Variants in BTBD9 observed in about 807,000 individuals in gnomAD.
BTBD9 encodes the protein BTB/POZ domain-containing protein 9.
Under a neutral mutation model 64.3 loss-of-function variants are expected in BTBD9, and 49 were observed. The ratio of observed to expected loss-of-function variants is 0.76; its 90% CI spans 0.61 to 0.97. BTBD9 has a LOEUF of 0.97. Among genes scored for constraint, BTBD9 ranks in the 50% least tolerant of loss-of-function variants. The pLI, the probability that BTBD9 is intolerant of heterozygous loss-of-function variation, is 0.00. For synonymous variants in BTBD9, 260 were observed against 274.7 expected (o/e 0.95, Z 0.53); for missense variants, 598 against 762.1 (o/e 0.78, Z 2.53).
intron 6 of BTBD9, among the ~76,000 whole-genome samples, chr6:38,553,846 T>A (rs916972253): frequency 1.3e-5 from 2 of 151,242 alleles, no homozygotes; most frequent in Non-Finnish European, 2.9e-5. Context: ...GAGCGAAACC[T>A]TGTCCCTTAA....
chr6:38,636,820 T>C (rs1269382553), intron 1 of BTBD9, among the ~76,000 whole-genome samples: 2 of 152,156 alleles, frequency 1.3e-5, no homozygotes, highest in Non-Finnish European at 2.9e-5. Context: ...GCCTCATCAC[T>C]TCCCCCATGC....
intron 7 of BTBD9, among the ~76,000 whole-genome samples, chr6:38,314,362 A>AT (rs1258865788): frequency 6.6e-6 from 1 of 151,334 alleles, no homozygotes; most frequent in Non-Finnish European, 1.5e-5. Flanking sequence ...CACCCGGCTA[A>AT]TTTTTTGTAT....
chr6:38,453,555 T>G (rs1046632365), intron 6 of BTBD9, among the ~76,000 whole-genome samples: 1 of 152,138 alleles, frequency 6.6e-6, no homozygotes, highest in African/African-American at 2.4e-5. Context: ...TTTTAAGTAT[T>G]TGGTTTTATC....
intron 6 of BTBD9, among the ~76,000 whole-genome samples, chr6:38,364,015 G>GTA (rs1286260301): frequency 6.6e-6 from 1 of 152,114 alleles, no homozygotes; most frequent in Non-Finnish European, 1.5e-5. Flanking sequence ...TCACTTGGGG[G>GTA]TTACACTAGC....
At chr6:38,179,184 C>A (rs1256653864) in intron 10 of BTBD9, among the ~76,000 whole-genome samples, 1 of 152,108 alleles carries the variant, frequency 6.6e-6, no homozygotes, top group Admixed American at 6.5e-5. Context: ...ATTTCTTAAA[C>A]TAAAAAAGTT....
At chr6:38,458,989 T>C (rs1281787874) in intron 6 of BTBD9, among the ~76,000 whole-genome samples, 2 of 152,200 alleles carry the variant, frequency 1.3e-5, no homozygotes, top group African/African-American at 2.4e-5. Flanking sequence ...ATTCATGCTA[T>C]ATAAAAGTCT....
chr6:38,425,356 G>A (rs1582408704), intron 6 of BTBD9, among the ~76,000 whole-genome samples: 2 of 151,750 alleles, frequency 1.3e-5, no homozygotes, highest in South Asian at 4.2e-4. Context: ...TGCCTGCCTC[G>A]GCCTCCCAAA....
intron 6 of BTBD9, among the ~76,000 whole-genome samples, chr6:38,348,941 T>C (rs977162499): frequency 6.6e-6 from 1 of 152,138 alleles, no homozygotes; most frequent in Non-Finnish European, 1.5e-5. Flanking sequence ...CAGGGTCTCA[T>C]TCTGTTGCCC....
chr6:38,346,693 T>C (rs952171502), intron 6 of BTBD9, among the ~76,000 whole-genome samples: 2 of 152,166 alleles, frequency 1.3e-5, no homozygotes, highest in African/African-American at 2.4e-5. Context: ...GTCCTTCACT[T>C]TGGCAGTGAC....
rs565633917 is a variant in BTBD9, at chr6:38,599,183, A to G, written c.-27-1062T>C. Among the ~76,000 whole-genome samples, 222 of 152,338 alleles carry G rather than the reference A, an allele frequency of 1.5e-3. 1 individual carries two copies. The highest frequency in any genetic ancestry group is 2.5e-3 in the Non-Finnish European group (168 of 68,032). ...ATGCCTTTCTACAAAATTAACTGAA[A>G]ATCAAAGGGCTAAAATATGATTAAC... On this transcript the variant is annotated intron_variant, in intron 1 of 10. Coordinates refer to ENST00000481247, the MANE Select transcript of BTBD9 (RefSeq NM_001099272.2).
At chr6:38,481,615 CT>C (rs1306072276) in intron 6 of BTBD9, 1 of 152,218 alleles carries the variant, frequency 6.6e-6, no homozygotes, top group Non-Finnish European at 1.5e-5. Flanking sequence ...ACACTACCCC[CT>C]CTCCCCTAAT....
At chr6:38,495,369 C>T (rs1343035402) in intron 6 of BTBD9, among the ~76,000 whole-genome samples, 2 of 152,124 alleles carry the variant, frequency 1.3e-5, no homozygotes, top group Non-Finnish European at 2.9e-5. Flanking sequence ...CTATTCTTAC[C>T]AACAAAAGAA....
intron 6 of BTBD9, among the ~76,000 whole-genome samples, chr6:38,437,372 G>A (rs1365616668): frequency 3.3e-5 from 5 of 152,110 alleles, no homozygotes; most frequent in African/African-American, 1.2e-4. Context: ...TCAACTGCAG[G>A]ATTTGCCAGC....
At chr6:38,250,530 T>C (rs1764354667) in intron 9 of BTBD9, among the ~76,000 whole-genome samples, 1 of 152,244 alleles carries the variant, frequency 6.6e-6, no homozygotes, top group African/African-American at 2.4e-5. Flanking sequence ...GAACAATGTT[T>C]ATATGATCAT....
At chr6:38,490,204 G>T (rs1771642608) in intron 6 of BTBD9, among the ~76,000 whole-genome samples, 1 of 152,156 alleles carries the variant, frequency 6.6e-6, no homozygotes, top group Admixed American at 6.5e-5. Flanking sequence ...CTTGTCCTGG[G>T]TTTGCTGCTT....
intron 9 of BTBD9, among the ~76,000 whole-genome samples, chr6:38,244,217 C>A (rs1438357313): frequency 6.6e-6 from 1 of 152,186 alleles, no homozygotes; most frequent in Non-Finnish European, 1.5e-5. Flanking sequence ...TGACAATGTG[C>A]AGCAGGTCCC....
intron 7 of BTBD9, among the ~76,000 whole-genome samples, chr6:38,314,911 G>A (rs558955266): frequency 6.6e-6 from 1 of 152,206 alleles, no homozygotes; most frequent in East Asian, 1.9e-4. Flanking sequence ...GTGCAGTGGC[G>A]GGATCTCGGC....
At chr6:38,530,681 T>C (rs1239412094) in intron 6 of BTBD9, among the ~76,000 whole-genome samples, 1 of 151,976 alleles carries the variant, frequency 6.6e-6, no homozygotes, top group Non-Finnish European at 1.5e-5. Flanking sequence ...ATAGGTGACC[T>C]TTCAGACAGA....
At chr6:38,432,303 C>G (rs1045347191) in intron 6 of BTBD9, among the ~76,000 whole-genome samples, 1 of 152,016 alleles carries the variant, frequency 6.6e-6, no homozygotes, top group African/African-American at 2.4e-5. Flanking sequence ...TGAGAGAAAT[C>G]TCGCATGGCT....
Sources: allele counts gnomAD v4.1 joint callset (sites outside exome capture counted in the v4.1 genomes callset), GRCh38; gene constraint gnomAD v4.1.1; transcripts MANE v1.5; gene names NCBI Gene and HGNC (gene_info 2026-07-23, HGNC 2026-07-21).